The following CD276 variants were observed in gnomAD, a reference collection of about 807,000 sequenced individuals.
CD276 encodes the protein CD276 molecule.
Under a neutral mutation model 50.0 loss-of-function variants are expected in CD276, and 34 were observed. The observed-to-expected ratio is 0.68, with a 90% CI of 0.52 to 0.91. CD276 has a LOEUF of 0.91. Ranked by LOEUF, CD276 falls within the 40% of genes least tolerant of loss-of-function variation. The pLI is 0.00. For synonymous variants in CD276, 275 were observed against 313.0 expected, an observed-to-expected ratio of 0.88 and a Z score of 1.28; for missense variants, 634 against 717.5, an observed-to-expected ratio of 0.88 and a Z score of 1.33.
chr15:73,694,033 C>T (rs574037431), intron 1 of CD276, among the ~76,000 whole-genome samples: 5 of 152,330 alleles, frequency 3.3e-5, no homozygotes, highest in African/African-American at 7.2e-5. Flanking sequence ...CACCACTGCA[C>T]GAATGACTGC....
Position 73,702,280 on chromosome 15 carries a change from A to G in CD276, c.105A>G (p.Glu35=), listed in dbSNP as rs1285020294. 3.7e-6 allele frequency: 6 copies of G among 1,612,022 alleles called. No homozygotes were observed. Among genetic ancestry groups the G allele is most frequent in the Non-Finnish European group, 5.1e-6 (6 of 1,179,248 alleles). Residue 35 remains glutamate, a synonymous_variant, in exon 3 of 10, where the codon GAA becomes GAG. Transcript: ENST00000318443. ...GAGCCCTGGAGGTCCAGGTCCCTGAAGACCCAGTGGTGGCACTGGTGGGCA... is the reference window on the plus strand; with the variant it reads ...GAGCCCTGGAGGTCCAGGTCCCTGAGGACCCAGTGGTGGCACTGGTGGGCA... ...LTGALEVQVP[E]DPVVALVGTD...
chr15:73,708,578 A>AGT (rs200433977), intron 7 of CD276, 105 bp downstream of exon 7: 6 of 1,352,466 alleles, frequency 4.4e-6, no homozygotes, highest in Non-Finnish European at 6.0e-6. Flanking sequence ...TGACAGAACG[A>AGT]GTGTGTGTGT....
chr15:73,705,284 C>T (rs1900605129), intron 6 of CD276, among the ~76,000 whole-genome samples: 1 of 152,194 alleles, frequency 6.6e-6, no homozygotes, highest in African/African-American at 2.4e-5. Flanking sequence ...TCTGGTTCTC[C>T]TCTTGTCTTC....
chr15:73,696,586 A>G (rs1432966641), intron 1 of CD276, among the ~76,000 whole-genome samples: 1 of 152,152 alleles, frequency 6.6e-6, no homozygotes, highest in African/African-American at 2.4e-5. Flanking sequence ...GCAGCCCTGG[A>G]AGTCCCTCAT....
chr15:73,689,608 A>G (rs1899911934), intron 1 of CD276, among the ~76,000 whole-genome samples: 1 of 152,222 alleles, frequency 6.6e-6, no homozygotes. Flanking sequence ...ATTGAGTCCT[A>G]TAATCATCCT....
intron 1 of CD276, among the ~76,000 whole-genome samples, chr15:73,696,536 CAG>C (rs1178524922): frequency 6.6e-6 from 1 of 152,134 alleles, no homozygotes; most frequent in African/African-American, 2.4e-5. Context: ...TTCCAGGATC[CAG>C]AGTCTAGGAA....
At chr15:73,692,853 C>G (rs1425924334) in intron 1 of CD276, among the ~76,000 whole-genome samples, 1 of 152,244 alleles carries the variant, frequency 6.6e-6, no homozygotes, top group African/African-American at 2.4e-5. Flanking sequence ...ATTATGGGAA[C>G]AACAGATCGA....
At position 73,712,913 on chromosome 15, in the gene CD276, TC is replaced by T. The variant is rs770135018; in HGVS notation, c.1583-20del. ...TAATGCTTTTCCCTTCCCTTTTTTT[TC>T]TTCCCATCATGAAATGAAGATGATG... On this transcript the variant is annotated intron_variant, in intron 9 of 9. Coordinates refer to ENST00000318443, the MANE Select transcript of CD276 (RefSeq NM_001024736.2). 7 of 1,612,886 alleles carry T rather than the reference TC, an allele frequency of 4.3e-6. No individual in the cohort carries two copies. In the Admixed American group the frequency reaches 1.2e-4, roughly 27 times the overall value.
rs1259907988 is a variant in CD276 at position 73,689,191 on chromosome 15, TG to T, written c.-55+4732del. ...TTTTTTCAGGGCTCTGTGCCTCCTGTGTGTGTGTGTGTGTGTGTGTGTGTGT... is the reference window on the plus strand; with the variant it reads ...TTTTTTCAGGGCTCTGTGCCTCCTGTTGTGTGTGTGTGTGTGTGTGTGTGT... On this transcript the variant is annotated intron_variant, in intron 1 of 9. Transcript: ENST00000318443. Among the ~76,000 whole-genome samples, 408 of 64,502 alleles carry T rather than the reference TG, an allele frequency of 6.3e-3. 3 individuals are homozygous for T. Among genetic ancestry groups the T allele is most frequent in the South Asian group, 0.015 (24 of 1,568 alleles). 42.3% of individuals were successfully genotyped at this position (64,502 alleles called of 152,430 possible).
chr15:73,685,531 A>G (rs2141527281), intron 1 of CD276, among the ~76,000 whole-genome samples: 1 of 151,818 alleles, frequency 6.6e-6, no homozygotes, highest in Non-Finnish European at 1.5e-5. Context: ...TAATTTAGAA[A>G]AACGATTTAC....
Position 73,708,442 on chromosome 15 carries a change from GATCA to G in CD276, c.1475_1478del (p.Ile492AsnfsTer28). 6.2e-7 allele frequency: 1 copy of G among 1,613,952 alleles called. No homozygotes were observed. The highest frequency in any genetic ancestry group is 1.1e-5 in the South Asian group (1 of 91,006). ...CCCTGGCTTTCGTGTGCTGGAGAAA[GATCA>G]AACAGAGCTGTGAGGAGGAGAATGC... On this transcript the variant is annotated frameshift_variant, in exon 7 of 10. Transcript: ENST00000318443. LOFTEE classifies it high-confidence loss of function.
intron 6 of CD276, among the ~76,000 whole-genome samples, chr15:73,707,004 A>G (rs1250574022): frequency 1.3e-5 from 2 of 152,196 alleles, no homozygotes; most frequent in African/African-American, 4.8e-5. Flanking sequence ...TCTTGGCCAC[A>G]TCAGCTGCTG....
At chr15:73,688,335 G>C (rs911857217) in intron 1 of CD276, among the ~76,000 whole-genome samples, 1 of 152,068 alleles carries the variant, frequency 6.6e-6, no homozygotes, top group Non-Finnish European at 1.5e-5. Context: ...TTTGGTACTG[G>C]GCACTTTCCT....
At chr15:73,691,236 A>T (rs978750556) in intron 1 of CD276, among the ~76,000 whole-genome samples, 6 of 152,048 alleles carry the variant, frequency 3.9e-5, no homozygotes, top group Non-Finnish European at 7.4e-5. Flanking sequence ...TAAGAAAAAA[A>T]AAAAAGACTT....
At position 73,692,914 on chromosome 15, in the gene CD276, A is replaced by C. The variant is rs79105903; in HGVS notation, c.-54-6672A>C. Among the ~76,000 whole-genome samples, 21 of 152,364 alleles carry C rather than the reference A, an allele frequency of 1.4e-4. No individual in the cohort carries two copies. The East Asian group carries it at 1.7e-3, about 13-fold the overall frequency. On this transcript the variant is annotated intron_variant, in intron 1 of 9. Coordinates refer to ENST00000318443, the MANE Select transcript of CD276 (RefSeq NM_001024736.2). ...AGTCCTGGAACCAATGAGCACTTGA[A>C]GAAGAGCCCACTAGTAGGCACTTGC...
Position 73,687,277 on chromosome 15 carries a change from AG to A in CD276, c.-55+2818del, listed in dbSNP as rs1246015281. ...AGACATTATCTCATGTAATCCTCAT[AG>A]TAATCCTATGAGGTAGGGTATCATT... On this transcript the variant is annotated intron_variant, in intron 1 of 9. Transcript: ENST00000318443. This position sits in a 1 kb window ranked among gnomAD's most constrained non-coding sequence, Gnocchi z 4.0. Among the ~76,000 whole-genome samples the A allele has an allele frequency of 6.6e-6, 1 of 152,136 alleles. No homozygotes were observed. The highest frequency in any genetic ancestry group is 1.5e-5 in the Non-Finnish European group (1 of 68,028).
chr15:73,708,924 G>A (rs146303819), intron 7 of CD276, among the ~76,000 whole-genome samples: 305 of 152,360 alleles, frequency 2.0e-3, no homozygotes, highest in African/African-American at 7.1e-3. Flanking sequence ...CATTTGCGGG[G>A]CTGAGGGTCA....
chr15:73,708,247 G>A, intron 6 of CD276, 92 bp from the exon 7 acceptor site: 3 of 1,414,170 alleles, frequency 2.1e-6, no homozygotes, highest in Admixed American at 3.8e-5. Flanking sequence ...AGTGAGGGTG[G>A]GAGCCCCTGT....
chr15:73,690,772 G>A (rs1293274615), intron 1 of CD276: 1 of 455,806 alleles, frequency 2.2e-6, no homozygotes, highest in Admixed American at 2.4e-5. Flanking sequence ...CAGCAACACT[G>A]TGAGGTAGGA....
Sources: gnomAD v4.1 joint callset for allele counts (sites outside exome capture counted in the v4.1 genomes callset) on GRCh38, gnomAD v4.1.1 for gene constraint, Gnocchi (gnomAD v3.1) non-coding constraint, MANE v1.5 for transcripts, NCBI Gene and HGNC (gene_info 2026-07-23, HGNC 2026-07-21) for gene names.